Variants in ARPP21 observed in about 807,000 individuals in gnomAD.
The protein encoded by ARPP21 is cAMP regulated phosphoprotein 21.
ARPP21 carries 69 observed loss-of-function variants against 113.2 expected under a neutral mutation model. The observed-to-expected ratio is 0.61, with a 90% confidence interval of 0.50 to 0.74. The LOEUF (loss-of-function observed/expected upper bound fraction) is 0.74, where lower values mean the gene tolerates loss of function less well. ARPP21 is among the 30% of genes least tolerant of loss of function. The pLI, the probability that ARPP21 is intolerant of heterozygous loss-of-function variation, is 0.00. For synonymous variants in ARPP21, 368 were observed against 375.5 expected (o/e 0.98, Z 0.23); for missense variants, 1,070 against 1,037.4 (o/e 1.03, Z -0.43).
At chr3:35,664,067 G>A (rs888427687) in intron 1 of ARPP21, among the ~76,000 whole-genome samples, 17 of 152,218 alleles carry the variant, frequency 1.1e-4, no homozygotes, top group Non-Finnish European at 2.4e-4. Context: ...TAAGAAAGGA[G>A]TATCTTCAAA....
At chr3:35,715,058 G>T in intron 11 of ARPP21, 1 of 194,278 alleles carries the variant, frequency 5.1e-6, no homozygotes, top group Non-Finnish European at 1.1e-5. Context: ...GCTCTGCTTT[G>T]ATTTGAACCC....
chr3:35,666,293 G>A (rs1332850115), intron 1 of ARPP21, among the ~76,000 whole-genome samples: 3 of 152,056 alleles, frequency 2.0e-5, no homozygotes, highest in African/African-American at 7.2e-5. Flanking sequence ...AGGGAAGCAA[G>A]CTTAGAACAA....
intron 19 of ARPP21, among the ~76,000 whole-genome samples, chr3:35,758,553 A>G (rs1311281816): frequency 6.6e-6 from 1 of 151,780 alleles, no homozygotes; most frequent in Non-Finnish European, 1.5e-5. Flanking sequence ...CACAAAGGAG[A>G]CGGTTTCCTT....
intron 18 of ARPP21, 78 bp downstream of exon 18, chr3:35,739,655 T>A: frequency 6.7e-7 from 1 of 1,493,522 alleles, no homozygotes; most frequent in Non-Finnish European, 9.0e-7. Context: ...ATGTAGAAAA[T>A]AACCAGATTC....
At chr3:35,650,242 G>A (rs1701870764) in intron 1 of ARPP21, 1 of 152,062 alleles carries the variant, frequency 6.6e-6, no homozygotes, top group East Asian at 1.9e-4. Context: ...GAGTTCTTGG[G>A]TGACGGCTAA....
chr3:35,668,497 T>C (rs1559552236), intron 1 of ARPP21, among the ~76,000 whole-genome samples: 1 of 152,092 alleles, frequency 6.6e-6, no homozygotes, highest in Non-Finnish European at 1.5e-5. Flanking sequence ...ATATGAGTGG[T>C]CAGGCCACAG....
chr3:35,782,308 T>C (rs2096542951), intron 19 of ARPP21, among the ~76,000 whole-genome samples: 1 of 152,184 alleles, frequency 6.6e-6, no homozygotes. Flanking sequence ...GGACTTCTCC[T>C]TGATCTTTAA....
chr3:35,677,262 A>C (rs927133039), intron 1 of ARPP21, among the ~76,000 whole-genome samples: 1 of 151,758 alleles, frequency 6.6e-6, no homozygotes, highest in African/African-American at 2.4e-5. Flanking sequence ...CACAGTGATT[A>C]ATATGTGTAA....
chr3:35,682,782 T>G, intron 3 of ARPP21, 66 bp from the exon 4 acceptor site: 1 of 1,419,274 alleles, frequency 7.0e-7, no homozygotes, highest in African/African-American at 1.4e-5. Context: ...CTCTCTCGGT[T>G]GTTGATTTAC....
intron 1 of ARPP21, among the ~76,000 whole-genome samples, chr3:35,656,668 G>C (rs932371356): frequency 1.3e-5 from 2 of 151,822 alleles, no homozygotes; most frequent in African/African-American, 4.8e-5. Context: ...CAAAGGGAGG[G>C]GTGTCACTGT....
intron 1 of ARPP21, among the ~76,000 whole-genome samples, chr3:35,643,030 C>T (rs1174427715): frequency 6.6e-6 from 1 of 151,932 alleles, no homozygotes; most frequent in Non-Finnish European, 1.5e-5. Flanking sequence ...ATAGTGTGTA[C>T]AATGCAAGAA....
chr3:35,671,330 A>C (rs888488388), intron 1 of ARPP21, among the ~76,000 whole-genome samples: 1 of 152,182 alleles, frequency 6.6e-6, no homozygotes, highest in Non-Finnish European at 1.5e-5. Flanking sequence ...GTTGCTACCA[A>C]AATAAATGCC....
chr3:35,652,429 T>C (rs80247325), intron 1 of ARPP21, among the ~76,000 whole-genome samples: 1,696 of 152,226 alleles, frequency 0.011, 27 homozygotes, highest in African/African-American at 0.038. Context: ...AAAATCAATT[T>C]TTCTAAAAAT....
At chr3:35,648,369 A>G (rs1296583051) in intron 1 of ARPP21, among the ~76,000 whole-genome samples, 1 of 152,222 alleles carries the variant, frequency 6.6e-6, no homozygotes, top group Non-Finnish European at 1.5e-5. Context: ...ACTGGAATGA[A>G]TCCATGAAGG....
At chr3:35,685,252 T>C (rs762169624) in intron 5 of ARPP21, 22 of 985,168 alleles carry the variant, frequency 2.2e-5, no homozygotes, top group Non-Finnish European at 2.7e-5. Flanking sequence ...AGTGTATCCA[T>C]ACAATTGGTG....
chr3:35,780,965 CTGGCTGGGTGTGAA>C (rs1254632439), intron 19 of ARPP21, among the ~76,000 whole-genome samples: 1 of 152,032 alleles, frequency 6.6e-6, no homozygotes, highest in Non-Finnish European at 1.5e-5. Context: ...GCCTGCAGAC[CTGGCTGGGTGTGAA>C]TGGGCCTACT....
chr3:35,707,999 T>G (rs1369342664), intron 10 of ARPP21, among the ~76,000 whole-genome samples: 1 of 152,190 alleles, frequency 6.6e-6, no homozygotes, highest in Non-Finnish European at 1.5e-5. Context: ...GGTAAGACAA[T>G]ATGCATCTCA....
rs1215899397 is a variant in ARPP21 at position 35,704,189 on chromosome 3, G to GA, written c.687-2780dup. On this transcript the variant is annotated intron_variant, in intron 9 of 20. Coordinates refer to ENST00000684406, the MANE Select transcript of ARPP21 (RefSeq NM_001385562.1). The stretch of plus-strand genomic sequence containing the variant: ...TGAACTATTAAATTCCAATATTTGA[G>GA]AAAAACCTAAGGTGTTTGAAATGCA... Among the ~76,000 whole-genome samples the GA allele has an allele frequency of 6.6e-5, 10 of 151,764 alleles. No individual in the cohort carries two copies. In the East Asian group the frequency reaches 1.9e-3, roughly 29 times the overall value.
chr3:35,697,377 A>C (rs980706378), intron 9 of ARPP21, among the ~76,000 whole-genome samples: 4 of 151,610 alleles, frequency 2.6e-5, no homozygotes, highest in Admixed American at 1.3e-4. Context: ...GATCCTGAGA[A>C]GTGTGAGCCT....
Sources: gnomAD v4.1 joint callset for allele counts (sites outside exome capture counted in the v4.1 genomes callset) on GRCh38, gnomAD v4.1.1 for gene constraint, MANE v1.5 for transcripts, NCBI Gene and HGNC (gene_info 2026-07-23, HGNC 2026-07-21) for gene names.